MAPK10: variants seen among roughly 807,000 people sequenced by gnomAD.
The protein encoded by MAPK10 is JNK3 alpha protein kinase.
A neutral mutation model predicts 59.3 loss-of-function variants in MAPK10; 25 were observed. That is an observed-to-expected ratio of 0.42 (90% CI 0.31 to 0.59). The LOEUF (loss-of-function observed/expected upper bound fraction) is 0.59, where lower values mean the gene tolerates loss of function less well. Among genes scored for constraint, MAPK10 ranks in the 20% least tolerant of loss-of-function variants. The pLI, the probability that MAPK10 is intolerant of heterozygous loss-of-function variation, is 0.15. For synonymous variants in MAPK10, 190 were observed against 200.5 expected (o/e 0.95, Z 0.44); for missense variants, 351 against 568.9 (o/e 0.62, Z 3.90).
intron 1 of MAPK10, among the ~76,000 whole-genome samples, chr4:86,572,126 T>C (rs1185976748): frequency 6.6e-6 from 1 of 152,144 alleles, no homozygotes. Flanking sequence ...TATTTTGTTC[T>C]TACCAGAACA....
chr4:86,576,481 C>T (rs1327064814), intron 1 of MAPK10, among the ~76,000 whole-genome samples: 1 of 152,070 alleles, frequency 6.6e-6, no homozygotes, highest in Non-Finnish European at 1.5e-5. Context: ...TGATTTTAAA[C>T]GGCCTATAGT....
At chr4:86,189,883 C>G (rs2079237152) in intron 3 of MAPK10, among the ~76,000 whole-genome samples, 1 of 151,886 alleles carries the variant, frequency 6.6e-6, no homozygotes, top group Non-Finnish European at 1.5e-5. Flanking sequence ...GGCTGTGGAA[C>G]TGTCATAAAT....
intron 2 of MAPK10, among the ~76,000 whole-genome samples, chr4:86,343,923 C>CATAACATGTAATGGGTTAAA (rs1478097729): frequency 3.3e-5 from 5 of 152,040 alleles, no homozygotes; most frequent in African/African-American, 4.8e-5. Context: ...AATGGGTTTA[C>CATAACATGTAATGGGTTAAA]AATCATTGAT....
chr4:86,573,859 T>G (rs1761655637), intron 1 of MAPK10, among the ~76,000 whole-genome samples: 1 of 152,218 alleles, frequency 6.6e-6, no homozygotes, highest in Non-Finnish European at 1.5e-5. Flanking sequence ...ATTTTTTAAA[T>G]GTCAATTTCT....
chr4:86,454,235 C>T (rs752456316), upstream of MAPK10, among the ~76,000 whole-genome samples: 1 of 152,106 alleles, frequency 6.6e-6, no homozygotes, highest in Non-Finnish European at 1.5e-5. Context: ...ATCACACTAG[C>T]TCTCCAGCAT....
intron 1 of MAPK10, among the ~76,000 whole-genome samples, chr4:86,451,332 TA>T: frequency 6.6e-6 from 1 of 152,168 alleles, no homozygotes; most frequent in Admixed American, 6.6e-5. Context: ...AATTATTAAA[TA>T]GAGTAAAATA....
chr4:86,378,877 T>G (rs1740232892), intron 1 of MAPK10, among the ~76,000 whole-genome samples: 1 of 151,998 alleles, frequency 6.6e-6, no homozygotes, highest in Non-Finnish European at 1.5e-5. Flanking sequence ...ATACAAACTG[T>G]AAAGAGAAAT....
intron 9 of MAPK10, among the ~76,000 whole-genome samples, chr4:86,087,875 A>G (rs1374835840): frequency 6.6e-6 from 1 of 152,158 alleles, no homozygotes; most frequent in Non-Finnish European, 1.5e-5. Context: ...ATAAAAAATT[A>G]TAATGTAGAT....
At chr4:86,419,163 T>C (rs1170462198) in intron 1 of MAPK10, among the ~76,000 whole-genome samples, 3 of 152,198 alleles carry the variant, frequency 2.0e-5, no homozygotes, top group Non-Finnish European at 4.4e-5. Context: ...TAAATGTTTT[T>C]TAAAAACTCT....
intron 11 of MAPK10, among the ~76,000 whole-genome samples, chr4:86,047,395 A>T (rs1489563201): frequency 1.3e-5 from 2 of 152,128 alleles, no homozygotes; most frequent in African/African-American, 4.8e-5. Context: ...AAGACCCTAA[A>T]GGGGGAGCTT....
intron 1 of MAPK10, among the ~76,000 whole-genome samples, chr4:86,578,985 A>G (rs190719555): frequency 6.6e-6 from 1 of 152,314 alleles, no homozygotes; most frequent in East Asian, 1.9e-4. Context: ...AATAAGGATG[A>G]CACTTTTATT....
rs768023571 is a variant in MAPK10, at chr4:86,199,096, G to T, written c.-6-4689C>A. On this transcript the variant is annotated intron_variant, in intron 2 of 13. Transcript: ENST00000641462. The stretch of plus-strand genomic sequence containing the variant: ...ACATTACTAATAGGTGTGGCAATTG[G>T]AACAACTAAATTTAGAGGGAAAATG... 2.6e-5 allele frequency among the ~76,000 whole-genome samples: 4 copies of T among 151,948 alleles called. No homozygotes were observed. The South Asian group carries it at 6.2e-4, about 24-fold the overall frequency.
chr4:86,302,688 C>A (rs2095492940), intron 2 of MAPK10, among the ~76,000 whole-genome samples: 1 of 152,186 alleles, frequency 6.6e-6, no homozygotes, highest in South Asian at 2.1e-4. Flanking sequence ...GCAAAAACAT[C>A]TGAGTCTTAA....
chr4:86,268,849 T>G (rs1057244965), intron 2 of MAPK10, among the ~76,000 whole-genome samples: 1 of 152,154 alleles, frequency 6.6e-6, no homozygotes, highest in African/African-American at 2.4e-5. Context: ...TGTGAATGAA[T>G]GAATAAGTGA....
At chr4:86,356,167 G>A (rs1346472397) in intron 1 of MAPK10, among the ~76,000 whole-genome samples, 2 of 152,156 alleles carry the variant, frequency 1.3e-5, no homozygotes, top group African/African-American at 2.4e-5. Flanking sequence ...CCTTAAACCT[G>A]CACACCATGC....
chr4:86,591,737 C>T (rs940872595), intron 1 of MAPK10, among the ~76,000 whole-genome samples: 3 of 152,056 alleles, frequency 2.0e-5, no homozygotes, highest in Admixed American at 2.0e-4. Context: ...AAAAGCTTTT[C>T]AGTTGATGCT....
intron 2 of MAPK10, among the ~76,000 whole-genome samples, chr4:86,282,854 C>T (rs2094863874): frequency 6.6e-6 from 1 of 152,114 alleles, no homozygotes; most frequent in South Asian, 2.1e-4. Flanking sequence ...AAAGTCTAGG[C>T]ACATGCTCCG....
At chr4:86,152,146 T>G (rs2066633397) in intron 4 of MAPK10, 1 of 152,226 alleles carries the variant, frequency 6.6e-6, no homozygotes, top group African/African-American at 2.4e-5. Context: ...TCTGATGTCC[T>G]TGGTGAACCC....
chr4:86,424,862 A>G (rs1319003610), intron 1 of MAPK10, among the ~76,000 whole-genome samples: 1 of 152,224 alleles, frequency 6.6e-6, no homozygotes, highest in Non-Finnish European at 1.5e-5. Flanking sequence ...GACTCCAGTA[A>G]TTCAAGCATA....
Sources: gnomAD v4.1 joint callset for allele counts (sites outside exome capture counted in the v4.1 genomes callset) on GRCh38, gnomAD v4.1.1 for gene constraint, MANE v1.5 for transcripts, NCBI Gene and HGNC (gene_info 2026-07-23, HGNC 2026-07-21) for gene names.